The following NEK4 variants were observed in gnomAD, a reference collection of about 807,000 sequenced individuals.
NEK4 encodes serine/threonine-protein kinase Nek4.
In NEK4, 86 loss-of-function variants were observed where a neutral mutation model predicts 98.4. That is an observed-to-expected ratio of 0.87 (90% CI 0.73 to 1.05). The LOEUF (loss-of-function observed/expected upper bound fraction) is 1.05, where lower values mean the gene tolerates loss of function less well. NEK4 is among the 50% of genes least tolerant of loss of function. NEK4 has a pLI of 0.00. For synonymous variants in NEK4, 328 were observed against 342.2 expected (o/e 0.96, Z 0.46); for missense variants, 898 against 950.3 (o/e 0.94, Z 0.72).
At chr3:52,756,213 C>T (rs1366357069) in intron 6 of NEK4, among the ~76,000 whole-genome samples, 1 of 152,126 alleles carries the variant, frequency 6.6e-6, no homozygotes, top group Non-Finnish European at 1.5e-5. Context: ...CTATCAAAAT[C>T]CCAATGACAT....
intron 7 of NEK4, among the ~76,000 whole-genome samples, 153 bp from the exon 8 acceptor site, chr3:52,749,982 C>T (rs1460253685): frequency 6.6e-6 from 1 of 152,142 alleles, no homozygotes; most frequent in Non-Finnish European, 1.5e-5. Context: ...AACTGGAACC[C>T]TCATATATTG....
chr3:52,720,720 C>A (rs1042055006), intron 15 of NEK4, among the ~76,000 whole-genome samples: 1 of 152,134 alleles, frequency 6.6e-6, no homozygotes, highest in African/African-American at 2.4e-5. Context: ...TAAACAAAAG[C>A]AGAGAATGTG....
At chr3:52,766,441 T>C (rs1698562798) in intron 2 of NEK4, 66 bp from the exon 3 acceptor site, 3 of 1,166,640 alleles carry the variant, frequency 2.6e-6, no homozygotes, top group Non-Finnish European at 3.8e-6. Flanking sequence ...TCCTGGCTTA[T>C]TATATACCAT....
At chr3:52,730,349 CCA>C (rs2097368409) in intron 15 of NEK4, among the ~76,000 whole-genome samples, 1 of 152,126 alleles carries the variant, frequency 6.6e-6, no homozygotes, top group Non-Finnish European at 1.5e-5. Flanking sequence ...GGTGATTCTA[CCA>C]CACTTTGGAG....
At chr3:52,759,384 G>C (rs1270760434) in intron 6 of NEK4, among the ~76,000 whole-genome samples, 1 of 145,664 alleles carries the variant, frequency 6.9e-6, no homozygotes, top group African/African-American at 2.6e-5. Flanking sequence ...CTAGGCAACA[G>C]AGCAAGACCC....
intron 7 of NEK4, 123 bp downstream of exon 7, chr3:52,751,808 TC>T (rs1173421627): frequency 2.1e-6 from 2 of 952,042 alleles, no homozygotes. Context: ...CAAATATTCT[TC>T]TATGTTTAAA....
intron 15 of NEK4, among the ~76,000 whole-genome samples, chr3:52,730,032 C>T (rs902810814): frequency 6.6e-5 from 10 of 152,124 alleles, no homozygotes; most frequent in Non-Finnish European, 1.0e-4. Context: ...CCCTTGAAAC[C>T]GGGAGGCAGA....
chr3:52,762,288 T>C (rs772733080), intron 5 of NEK4, among the ~76,000 whole-genome samples: 1 of 152,236 alleles, frequency 6.6e-6, no homozygotes, highest in Non-Finnish European at 1.5e-5. Flanking sequence ...TTTTTAAATA[T>C]TACTATCTTA....
Position 52,752,931 on chromosome 3 carries a change from T to TACACACACACACACACAC in NEK4, c.964-596_964-595insGTGTGTGTGTGTGTGTGT, listed in dbSNP as rs1193888628. On this transcript the variant is annotated intron_variant, in intron 6 of 15. Transcript: ENST00000233027. Reference sequence around the variant, plus strand: ...AAAAAAAAAAAAATATATATATATATATACACACACACACACACACACAAT... The same window carrying TACACACACACACACACAC: ...AAAAAAAAAAAAATATATATATATATACACACACACACACACACATACACACACACACACACACACAAT... 1.7e-3 allele frequency among the ~76,000 whole-genome samples: 95 copies of TACACACACACACACACAC among 56,100 alleles called. 1 individual carries two copies. Among genetic ancestry groups the TACACACACACACACACAC allele is most frequent in the Middle Eastern group, 0.02 (2 of 98 alleles). The allele number at this position is 56,100 out of a possible 152,430, so 36.8% of individuals were successfully genotyped here. A position where few individuals can be genotyped will look rare whatever the true frequency, so the allele number is the denominator to read the frequency against.
intron 1 of NEK4, among the ~76,000 whole-genome samples, chr3:52,769,083 G>C (rs1279349905): frequency 6.6e-6 from 1 of 152,096 alleles, no homozygotes; most frequent in Non-Finnish European, 1.5e-5. Context: ...GCCCGGCGTG[G>C]TGGTGTGTAC....
intron 13 of NEK4, 134 bp from the exon 14 acceptor site, chr3:52,739,768 C>G (rs1359180376): frequency 7.3e-6 from 5 of 689,432 alleles, no homozygotes; most frequent in Non-Finnish European, 1.2e-5. Context: ...CTGACCTGAC[C>G]CTTCCACAAA....
At chr3:52,740,715 T>G (rs1305219130) in intron 13 of NEK4, among the ~76,000 whole-genome samples, 1 of 151,878 alleles carries the variant, frequency 6.6e-6, no homozygotes, top group Admixed American at 6.6e-5. Context: ...TACCTTGAAC[T>G]CAGGAGGCAG....
At chr3:52,751,197 T>C (rs2097404307) in intron 7 of NEK4, among the ~76,000 whole-genome samples, 1 of 152,126 alleles carries the variant, frequency 6.6e-6, no homozygotes, top group East Asian at 1.9e-4. Flanking sequence ...GGCTCATGCC[T>C]GTAATCCCAG....
chr3:52,730,037 G>A (rs1333360737), intron 15 of NEK4, among the ~76,000 whole-genome samples: 1 of 152,194 alleles, frequency 6.6e-6, no homozygotes, highest in Non-Finnish European at 1.5e-5. Context: ...GAAACCGGGA[G>A]GCAGAGATTG....
intron 6 of NEK4, chr3:52,754,830 T>A (rs950115589): frequency 3.7e-6 from 1 of 267,314 alleles, no homozygotes; most frequent in Non-Finnish European, 7.7e-6. Flanking sequence ...TCCTAGAACT[T>A]TGGGAGGCCA....
intron 15 of NEK4, chr3:52,733,699 C>T (rs1015470658): frequency 6.8e-6 from 3 of 441,676 alleles, no homozygotes; most frequent in South Asian, 3.4e-5. Context: ...ATAGTGAATG[C>T]GGCAAGGTCT....
At position 52,768,622 on chromosome 3, in the gene NEK4, A is replaced by G; in HGVS notation, c.94-18T>C. 6.2e-7 allele frequency: 1 copy of G among 1,610,400 alleles called. No individual in the cohort carries two copies. Among genetic ancestry groups the G allele is most frequent in the Non-Finnish European group, 8.5e-7 (1 of 1,177,364 alleles). On this transcript the variant is annotated intron_variant, in intron 1 of 15. Coordinates refer to ENST00000233027, the MANE Select transcript of NEK4 (RefSeq NM_003157.6). Reference sequence around the variant, plus strand: ...ATGACATACTAAAAACAAACCATGTATTTTTACAATGTGCAAATAAACGTA... The same window carrying G: ...ATGACATACTAAAAACAAACCATGTGTTTTTACAATGTGCAAATAAACGTA...
At chr3:52,753,780 C>T (rs902326753) in intron 6 of NEK4, 12 of 524,892 alleles carry the variant, frequency 2.3e-5, no homozygotes, top group African/African-American at 3.9e-5. Context: ...ACCTTGGTTG[C>T]GGAGCAGACG....
At chr3:52,734,175 G>A (rs912454240) in intron 15 of NEK4, among the ~76,000 whole-genome samples, 3 of 152,016 alleles carry the variant, frequency 2.0e-5, no homozygotes, top group Non-Finnish European at 2.9e-5. Context: ...GGCCAGGCGC[G>A]GTGGCTCATG....
Sources: allele counts gnomAD v4.1 joint callset (sites outside exome capture counted in the v4.1 genomes callset), GRCh38; gene constraint gnomAD v4.1.1; transcripts MANE v1.5; gene names NCBI Gene and HGNC (gene_info 2026-07-23, HGNC 2026-07-21).